The following SLC60A1 variants were observed in gnomAD, a reference collection of about 807,000 sequenced individuals.
SLC60A1 encodes solute carrier family 60 member 1.
At chr1:205,580,838 A>G in the SLC60A1 span, 1 of 1,614,148 alleles carries the variant, frequency 6.2e-7, no homozygotes, top group East Asian at 2.2e-5. This position sits in a 1 kb window ranked among gnomAD's most constrained non-coding sequence, Gnocchi z 5.0. Flanking sequence ...GCCTTGGTCC[A>G]ACCAGACGTT....
chr1:205,596,630 AG>A, the SLC60A1 span, among the ~76,000 whole-genome samples: 16 of 137,208 alleles, frequency 1.2e-4, no homozygotes, highest in African/African-American at 4.2e-4. Flanking sequence ...TTCAGTGGGG[AG>A]TGAAGATGTG....
At chr1:205,574,639 C>T in the SLC60A1 span, among the ~76,000 whole-genome samples, 60,779 of 151,770 alleles carry the variant, frequency 0.4, 12,867 homozygotes, top group Non-Finnish European at 0.44. Context: ...TGGAGAGTGG[C>T]ACATTTTGGG....
At chr1:205,590,170 G>A in the SLC60A1 span, among the ~76,000 whole-genome samples, 1 of 152,178 alleles carries the variant, frequency 6.6e-6, no homozygotes, top group Non-Finnish European at 1.5e-5. Context: ...CATGGCTAGA[G>A]GGATAGATAC....
chr1:205,574,529 A>G, the SLC60A1 span, among the ~76,000 whole-genome samples: 1 of 152,150 alleles, frequency 6.6e-6, no homozygotes, highest in South Asian at 2.1e-4. Flanking sequence ...TCCTGTTTTA[A>G]GGGTGACTAC....
At chr1:205,590,559 G>A in the SLC60A1 span, among the ~76,000 whole-genome samples, 2 of 152,152 alleles carry the variant, frequency 1.3e-5, no homozygotes, top group African/African-American at 4.8e-5. Flanking sequence ...GAGACGGAAG[G>A]GCTGCTAGAG....
the SLC60A1 span, among the ~76,000 whole-genome samples, chr1:205,571,278 C>T: frequency 6.6e-6 from 1 of 152,152 alleles, no homozygotes; most frequent in African/African-American, 2.4e-5. Context: ...TAAGAAGAGG[C>T]CTAGACAGAA....
the SLC60A1 span, among the ~76,000 whole-genome samples, chr1:205,593,513 G>T: frequency 2.6e-5 from 4 of 151,238 alleles, no homozygotes; most frequent in African/African-American, 9.7e-5. Context: ...GGAAGTTGGT[G>T]TACAGGGAGA....
the SLC60A1 span, among the ~76,000 whole-genome samples, chr1:205,590,083 C>T: frequency 3.3e-5 from 5 of 152,146 alleles, no homozygotes; most frequent in Admixed American, 6.5e-5. Flanking sequence ...TAGTTTGGGC[C>T]ACATGGTTAG....
chr1:205,573,563 C>CAATT, the SLC60A1 span, among the ~76,000 whole-genome samples: 1 of 151,504 alleles, frequency 6.6e-6, no homozygotes, highest in African/African-American at 2.4e-5. Context: ...CAAGAGATCA[C>CAATT]ATATCATTTA....
the SLC60A1 span, chr1:205,597,851 G>A: frequency 1.2e-6 from 2 of 1,613,740 alleles, no homozygotes; most frequent in Admixed American, 1.7e-5. Context: ...GGTTGGTTCG[G>A]TATGTGGGGA....
the SLC60A1 span, chr1:205,602,295 C>CCAG: frequency 6.6e-6 from 1 of 152,656 alleles, no homozygotes; most frequent in Non-Finnish European, 1.5e-5. Context: ...GCTGTGACCA[C>CCAG]CAGCAGCACA....
At chr1:205,597,373 GTTTTTT>G in the SLC60A1 span, among the ~76,000 whole-genome samples, 2,224 of 37,272 alleles carry the variant, frequency 0.06, 56 homozygotes, top group South Asian at 0.15. Context: ...AACCTAGGTT[GTTTTTT>G]TTTTTTTTTT....
At chr1:205,599,312 G>A in the SLC60A1 span, 8 of 1,596,766 alleles carry the variant, frequency 5.0e-6, no homozygotes, top group Admixed American at 1.4e-4. Context: ...CGGGGAGCGG[G>A]GGAGCAGGAG....
chr1:205,578,545 G>A, the SLC60A1 span, among the ~76,000 whole-genome samples: 1 of 152,262 alleles, frequency 6.6e-6, no homozygotes, highest in Non-Finnish European at 1.5e-5. Context: ...AGAAAGTAAC[G>A]AACTGCTCTA....
At chr1:205,579,929 G>C in the SLC60A1 span, 2 of 1,613,632 alleles carry the variant, frequency 1.2e-6, no homozygotes, top group Middle Eastern at 1.6e-4. Flanking sequence ...GTACCAGAAG[G>C]ACTCGGCCGT....
At chr1:205,594,941 GAGTCTGATGCA>G in the SLC60A1 span, 1 of 152,188 alleles carries the variant, frequency 6.6e-6, no homozygotes, top group Non-Finnish European at 1.5e-5. Context: ...CCTTACCTCT[GAGTCTGATGCA>G]ACTGGTCCGG....
At chr1:205,585,330 A>G in the SLC60A1 span, among the ~76,000 whole-genome samples, 1 of 152,180 alleles carries the variant, frequency 6.6e-6, no homozygotes, top group Non-Finnish European at 1.5e-5. This position sits in a 1 kb window ranked among gnomAD's most constrained non-coding sequence, Gnocchi z 4.2. Flanking sequence ...AGGTCATGCT[A>G]TATAAACAGG....
At chr1:205,591,105 G>A in the SLC60A1 span, among the ~76,000 whole-genome samples, 1 of 152,146 alleles carries the variant, frequency 6.6e-6, no homozygotes, top group African/African-American at 2.4e-5. Flanking sequence ...GTGACTCAAT[G>A]CAGACATAAA....
At chr1:205,597,378 T>TTTTTG in the SLC60A1 span, among the ~76,000 whole-genome samples, 18 of 82,538 alleles carry the variant, frequency 2.2e-4, 1 homozygote, top group Non-Finnish European at 3.8e-4. Context: ...AGGTTGTTTT[T>TTTTTG]TTTTTTTTTT....
Sources: gnomAD v4.1 joint callset for allele counts (sites outside exome capture counted in the v4.1 genomes callset) on GRCh38, gnomAD v4.1.1 for gene constraint, Gnocchi (gnomAD v3.1) non-coding constraint, MANE v1.5 for transcripts, NCBI Gene and HGNC (gene_info 2026-07-23, HGNC 2026-07-21) for gene names.